The following TRMT10A variants were observed in gnomAD, a reference collection of about 807,000 sequenced individuals.
TRMT10A encodes the protein tRNA methyltransferase 10 homolog A.
TRMT10A carries 37 observed loss-of-function variants against 40.4 expected under a neutral mutation model. The ratio of observed to expected loss-of-function variants is 0.92; its 90% CI spans 0.71 to 1.21. The LOEUF (loss-of-function observed/expected upper bound fraction) is 1.21. Among genes scored for constraint, TRMT10A ranks in the 50% most tolerant of loss-of-function variants. The probability of loss-of-function intolerance (pLI) is 0.00; values close to 1 mark genes in which losing one functional copy is unlikely to be tolerated. For missense variants in TRMT10A, 388 were observed against 404.3 expected (o/e 0.96, Z 0.35); for synonymous variants, 103 against 134.1 (o/e 0.77, Z 1.60).
Position 99,548,903 on chromosome 4 carries a change from T to C in TRMT10A, c.*185A>G, listed in dbSNP as rs1723844240. 1.8e-6 allele frequency: 1 copy of C among 560,936 alleles called. No homozygotes were observed. The highest frequency in any genetic ancestry group is 1.9e-5 in the African/African-American group (1 of 51,440). The allele number at this position is 560,936 out of a possible 1,614,324, so 34.7% of individuals were successfully genotyped here. On this transcript the variant is annotated 3_prime_UTR_variant, in exon 8 of 8. Transcript: ENST00000394876. ...CACATTTAAATCTTCTTACGCAAAA[T>C]CAAAAAATATTTCCTTACAAAGTTT...
chr4:99,559,271 T>G lies in TRMT10A; in HGVS notation c.68A>C (p.Glu23Ala). Residue 23 changes from glutamate to alanine, a missense_variant, in exon 2 of 8, where the codon GAA (glutamate) becomes GCA (alanine). Transcript: ENST00000394876. ...TGGCTTCTGGCTCTCCTCTTGATCT[T>G]CATTTATGCCTTGCTTTTTGTCAAC... ...SNVDKKQGIN[E>A]DQEESQKPRL... The G allele has an allele frequency of 6.2e-7, 1 of 1,613,436 alleles. No homozygotes were observed. Among genetic ancestry groups the G allele is most frequent in the Non-Finnish European group, 8.5e-7 (1 of 1,179,508 alleles).
At position 99,547,019 on chromosome 4, in the gene TRMT10A, T is replaced by C. The variant is rs1723761169; in HGVS notation, c.*2069A>G. The C allele has an allele frequency of 1.3e-5, 2 of 151,872 alleles. No homozygotes were observed. The highest frequency in any genetic ancestry group is 4.8e-5 in the African/African-American group (2 of 41,328). 9.4% of individuals were successfully genotyped at this position (151,872 alleles called of 1,614,324 possible). Reference sequence around the variant, plus strand: ...AAAAGATATGTCAAATCCTAACACATGGTACCCTGTAAATGTGACCTTATT... The same window carrying C: ...AAAAGATATGTCAAATCCTAACACACGGTACCCTGTAAATGTGACCTTATT... On this transcript the variant is annotated 3_prime_UTR_variant, in exon 8 of 8. Transcript: ENST00000394876.
intron 5 of TRMT10A, among the ~76,000 whole-genome samples, chr4:99,555,887 T>C (rs1724143443): frequency 6.6e-6 from 1 of 152,170 alleles, no homozygotes; most frequent in Non-Finnish European, 1.5e-5. Flanking sequence ...ATAAAGGCCC[T>C]TAAAATTATT....
intron 7 of TRMT10A, among the ~76,000 whole-genome samples, 186 bp from the exon 8 acceptor site, chr4:99,549,542 C>A (rs770561286): frequency 6.6e-6 from 1 of 152,124 alleles, no homozygotes; most frequent in Non-Finnish European, 1.5e-5. Flanking sequence ...TCTATTACCT[C>A]CTATCTAGCT....
At chr4:99,561,036 C>G (rs1206635326) in intron 1 of TRMT10A, among the ~76,000 whole-genome samples, 1 of 151,576 alleles carries the variant, frequency 6.6e-6, no homozygotes. Flanking sequence ...CTGCAACCTC[C>G]GCCCACTGCA....
intron 5 of TRMT10A, among the ~76,000 whole-genome samples, chr4:99,555,074 A>G (rs1213615999): frequency 6.6e-6 from 1 of 152,258 alleles, no homozygotes; most frequent in Non-Finnish European, 1.5e-5. Flanking sequence ...GATTAATTAG[A>G]GACCAATGAA....
intron 6 of TRMT10A, among the ~76,000 whole-genome samples, chr4:99,551,481 C>T (rs1287688922): frequency 6.6e-6 from 1 of 152,138 alleles, no homozygotes; most frequent in Non-Finnish European, 1.5e-5. Context: ...GCTGTTGGAA[C>T]ATCATACTGC....
chr4:99,558,563 G>C (rs2110191907), intron 2 of TRMT10A, among the ~76,000 whole-genome samples: 1 of 151,912 alleles, frequency 6.6e-6, no homozygotes, highest in African/African-American at 2.4e-5. Context: ...TGATTTTTAA[G>C]CCACATTTAT....
At chr4:99,556,921 CAAAAG>C (rs1724182096) in intron 4 of TRMT10A, among the ~76,000 whole-genome samples, 1 of 152,018 alleles carries the variant, frequency 6.6e-6, no homozygotes, top group Admixed American at 6.6e-5. Context: ...CTCAGTGACC[CAAAAG>C]AAAACTAAAA....
At position 99,558,069 on chromosome 4, in the gene TRMT10A, C is replaced by CA; in HGVS notation, c.327dup (p.Asp110Ter). ...GATACCTTTAATACCATCAAGTGAT[C>CA]AAAACTACAGTCAATAATAAGGCGA... On this transcript the variant is annotated frameshift_variant, in exon 3 of 8. Coordinates refer to ENST00000394876, the MANE Select transcript of TRMT10A (RefSeq NM_001134665.3). LOFTEE classifies it high-confidence loss of function. 6.3e-7 allele frequency: 1 copy of CA among 1,596,766 alleles called. No homozygotes were observed. Among genetic ancestry groups the CA allele is most frequent in the Non-Finnish European group, 8.5e-7 (1 of 1,174,800 alleles).
chr4:99,562,829 T>C (rs1412150351), intron 1 of TRMT10A, among the ~76,000 whole-genome samples: 1 of 146,664 alleles, frequency 6.8e-6, no homozygotes, highest in Non-Finnish European at 1.5e-5. Context: ...CCGGCCTTTC[T>C]TGTTTGTTTG....
At chr4:99,555,933 A>G (rs1405115521) in intron 5 of TRMT10A, among the ~76,000 whole-genome samples, 1 of 152,170 alleles carries the variant, frequency 6.6e-6, no homozygotes, top group Non-Finnish European at 1.5e-5. Flanking sequence ...TTGACCATAA[A>G]ATAGGGAAGA....
At chr4:99,556,921 C>T (rs1489449384) in intron 4 of TRMT10A, among the ~76,000 whole-genome samples, 1 of 152,018 alleles carries the variant, frequency 6.6e-6, no homozygotes, top group Admixed American at 6.6e-5. Flanking sequence ...CTCAGTGACC[C>T]AAAAGAAAAC....
rs1578221884 is a variant in TRMT10A, at chr4:99,564,024, G to A, written c.-135C>T. On this transcript the variant is annotated 5_prime_UTR_variant, in exon 1 of 8. Transcript: ENST00000394876. ...GAAACTTCAATTCCCAGAGGCAGGG[G>A]CGGTAGTTACGCAGTGGAGGCTACG... 2.0e-6 allele frequency: 3 copies of A among 1,508,806 alleles called. No homozygotes were observed. The Admixed American group carries it at 5.9e-5, about 30-fold the overall frequency. 93.5% of individuals were successfully genotyped at this position (1,508,806 alleles called of 1,614,324 possible). A position where few individuals can be genotyped will look rare whatever the true frequency, so the allele number is the denominator to read the frequency against.
rs1339923414 is a variant in TRMT10A, at chr4:99,559,666, T to G, written c.-23-305A>C. ...TATTTAGACACCCTTTGACTCAGTA[T>G]TTCCTTAAATTTCTGTAAATAAATC... On this transcript the variant is annotated intron_variant, in intron 1 of 7. Transcript: ENST00000394876. Among the ~76,000 whole-genome samples the G allele has an allele frequency of 3.3e-5, 5 of 152,268 alleles. No individual in the cohort carries two copies. The East Asian group carries it at 9.6e-4, about 29-fold the overall frequency.
chr4:99,562,987 A>G (rs1278741107), intron 1 of TRMT10A, among the ~76,000 whole-genome samples: 1 of 151,470 alleles, frequency 6.6e-6, no homozygotes, highest in Non-Finnish European at 1.5e-5. Context: ...ACGCCCGGCT[A>G]ATTTTGTATT....
chr4:99,548,973 T>A lies in TRMT10A; in HGVS notation c.*115A>T, dbSNP rs1297741211. 1 of 1,205,988 alleles carries A rather than the reference T, an allele frequency of 8.3e-7. No individual in the cohort carries two copies. The highest frequency in any genetic ancestry group is 1.1e-6 in the Non-Finnish European group (1 of 913,828). The allele number at this position is 1,205,988 out of a possible 1,614,324, so 74.7% of individuals were successfully genotyped here. ...TATTATTTAGGTCCAAAAAAAAGTT[T>A]TTAAAAATCACAACAGAAATAAGAG... On this transcript the variant is annotated 3_prime_UTR_variant, in exon 8 of 8. Transcript: ENST00000394876.
At chr4:99,561,346 A>C (rs772060595) in intron 1 of TRMT10A, among the ~76,000 whole-genome samples, 2 of 152,114 alleles carry the variant, frequency 1.3e-5, no homozygotes, top group Non-Finnish European at 2.9e-5. Context: ...CCTATCTAAG[A>C]AGTCTTAAGT....
chr4:99,555,508 A>G (rs1675056862), intron 5 of TRMT10A, among the ~76,000 whole-genome samples: 1 of 152,240 alleles, frequency 6.6e-6, no homozygotes, highest in Non-Finnish European at 1.5e-5. Flanking sequence ...AATTTTAAAT[A>G]TTCTAGTATC....
Sources: gnomAD v4.1 joint callset for allele counts (sites outside exome capture counted in the v4.1 genomes callset) on GRCh38, gnomAD v4.1.1 for gene constraint, MANE v1.5 for transcripts, NCBI Gene and HGNC (gene_info 2026-07-23, HGNC 2026-07-21) for gene names.